The following PIK3R3 variants were observed in gnomAD, a reference collection of about 807,000 sequenced individuals.
The protein encoded by PIK3R3 is phosphoinositide-3-kinase regulatory subunit 3.
PIK3R3 carries 64 observed loss-of-function variants against 62.9 expected under a neutral mutation model. The observed-to-expected ratio is 1.02, with a 90% confidence interval of 0.83 to 1.25. PIK3R3 has a LOEUF of 1.25. Among genes scored for constraint, PIK3R3 ranks in the 50% most tolerant of loss-of-function variants. The probability of loss-of-function intolerance (pLI) is 0.00; values close to 1 mark genes in which losing one functional copy is unlikely to be tolerated. For missense variants in PIK3R3, 614 were observed against 561.6 expected (o/e 1.09, Z -0.94); for synonymous variants, 165 against 189.0 (o/e 0.87, Z 1.04).
the PIK3R3 span, among the ~76,000 whole-genome samples, chr1:46,158,977 C>T: frequency 2.6e-5 from 4 of 152,026 alleles, no homozygotes; most frequent in African/African-American, 4.8e-5. Context: ...ATCCCAGCTA[C>T]TCAGGAGGCT....
At chr1:46,150,286 G>C in the PIK3R3 span, among the ~76,000 whole-genome samples, 4 of 152,208 alleles carry the variant, frequency 2.6e-5, no homozygotes, top group East Asian at 3.8e-4. Flanking sequence ...AAGCTATCCT[G>C]TATGTGGAAC....
At chr1:46,102,401 G>C (rs1052009651) in intron 1 of PIK3R3, among the ~76,000 whole-genome samples, 2 of 152,050 alleles carry the variant, frequency 1.3e-5, no homozygotes, top group East Asian at 3.9e-4. Context: ...ACTGTATAGT[G>C]GTCTTGGATC....
At chr1:46,132,842 C>T, upstream of PIK3R3, 1 of 1,210,248 alleles carries the variant, frequency 8.3e-7, no homozygotes. Flanking sequence ...TCTCGACTTT[C>T]ACGTCTCCCC....
chr1:46,056,053 T>A (rs1364949090), intron 6 of PIK3R3, 82 bp from the exon 7 acceptor site: 4 of 229,888 alleles, frequency 1.7e-5, no homozygotes, highest in Non-Finnish European at 3.0e-5. Context: ...CCTAATATCC[T>A]TTTTTTTTTT....
Position 46,132,603 on chromosome 1 carries a change from C to A in PIK3R3, c.-651G>T. The A allele has an allele frequency of 7.8e-7, 1 of 1,289,224 alleles. No individual in the cohort carries two copies. Among genetic ancestry groups the A allele is most frequent in the South Asian group, 1.2e-5 (1 of 81,000 alleles). 79.9% of individuals were successfully genotyped at this position (1,289,224 alleles called of 1,614,324 possible). ...GCCGGGGTGTAAGAACCAACCCGAC[C>A]GCACCAACTGCCCTCAAGCTCTGCC... is the stretch of plus-strand genomic sequence containing the variant. On this transcript the variant is annotated 5_prime_UTR_variant, in exon 1 of 10. Transcript: ENST00000262741.
intron 1 of PIK3R3, among the ~76,000 whole-genome samples, chr1:46,103,601 T>C (rs1182939440): frequency 6.6e-6 from 1 of 152,106 alleles, no homozygotes; most frequent in Admixed American, 6.5e-5. Context: ...TATTTATTTA[T>C]TTACTTATTT....
At chr1:46,152,434 C>T in the PIK3R3 span, among the ~76,000 whole-genome samples, 43 of 152,262 alleles carry the variant, frequency 2.8e-4, 1 homozygote, top group East Asian at 7.7e-3. Flanking sequence ...CTTCACCTCT[C>T]CCCCAATAAC....
chr1:46,114,091 T>C (rs753313074), intron 1 of PIK3R3, among the ~76,000 whole-genome samples: 24 of 152,178 alleles, frequency 1.6e-4, no homozygotes, highest in Non-Finnish European at 3.4e-4. Flanking sequence ...CAGCAACGTA[T>C]AGTAACGTAC....
At chr1:46,164,897 T>C in the PIK3R3 span, among the ~76,000 whole-genome samples, 5 of 152,118 alleles carry the variant, frequency 3.3e-5, no homozygotes, top group African/African-American at 9.7e-5. Flanking sequence ...TGCAGTGGCA[T>C]GATCATATCT....
At chr1:46,168,379 T>C in the PIK3R3 span, among the ~76,000 whole-genome samples, 8 of 152,314 alleles carry the variant, frequency 5.3e-5, no homozygotes, top group Admixed American at 2.0e-4. Flanking sequence ...TTCTGTGTCC[T>C]TGGTGCCAAG....
rs1331276065 is a variant in PIK3R3, at chr1:46,071,696, C to CAAAAAAAAA, written c.315-4614_315-4606dup. 5.7e-3 allele frequency among the ~76,000 whole-genome samples: 99 copies of CAAAAAAAAA among 17,224 alleles called. 8 individuals carry two copies. Among genetic ancestry groups the CAAAAAAAAA allele is most frequent in the East Asian group, 0.013 (9 of 698 alleles). 11.3% of individuals were successfully genotyped at this position (17,224 alleles called of 152,430 possible). A position where few individuals can be genotyped will look rare whatever the true frequency, so the allele number is the denominator to read the frequency against. On this transcript the variant is annotated intron_variant, in intron 3 of 9. Coordinates refer to ENST00000262741, the MANE Select transcript of PIK3R3 (RefSeq NM_003629.4). The stretch of plus-strand genomic sequence containing the variant: ...GAGCAACAGAGCAAGACTCTGTCTC[C>CAAAAAAAAA]AAAAAAAAAAAAAAAAATATATATA...
At chr1:46,130,040 A>G (rs1374923086) in intron 1 of PIK3R3, among the ~76,000 whole-genome samples, 1 of 152,172 alleles carries the variant, frequency 6.6e-6, no homozygotes, top group Non-Finnish European at 1.5e-5. Flanking sequence ...ACTTTTCTTA[A>G]AATTATTTTT....
intron 3 of PIK3R3, among the ~76,000 whole-genome samples, 186 bp from the exon 4 acceptor site, chr1:46,067,277 T>TATATAA (rs368368491): frequency 3.9e-4 from 58 of 147,338 alleles, no homozygotes; most frequent in Middle Eastern, 3.6e-3. Context: ...TATATATATA[T>TATATAA]AATTCATTTT....
At chr1:46,093,507 T>C (rs773038176) in intron 1 of PIK3R3, among the ~76,000 whole-genome samples, 53 of 152,266 alleles carry the variant, frequency 3.5e-4, no homozygotes, top group Non-Finnish European at 6.5e-4. Context: ...GATATGAAAA[T>C]GCTCAGTTTA....
Position 46,077,423 on chromosome 1 carries a change from T to G in PIK3R3, c.314+92A>C, listed in dbSNP as rs538825953. ...AATTAAATGAAAATATGAAAAATTG[T>G]ATAGATAAAGATTTAAATACAGAAA... On this transcript the variant is annotated intron_variant, in intron 3 of 9. Transcript: ENST00000262741. 8 of 548,564 alleles carry G rather than the reference T, an allele frequency of 1.5e-5. No individual in the cohort carries two copies. The South Asian group carries it at 2.9e-4, about 20-fold the overall frequency. 34.0% of individuals were successfully genotyped at this position (548,564 alleles called of 1,614,324 possible).
chr1:46,081,218 AC>A (rs1311374293), intron 1 of PIK3R3, among the ~76,000 whole-genome samples: 1 of 152,142 alleles, frequency 6.6e-6, no homozygotes. Flanking sequence ...AATAGAATGA[AC>A]CCCCTTGTCT....
chr1:46,066,970 C>T lies in PIK3R3; in HGVS notation c.436G>A (p.Ala146Thr). The T allele has an allele frequency of 6.2e-7, 1 of 1,613,030 alleles. No individual in the cohort carries two copies. The highest frequency in any genetic ancestry group is 1.3e-5 in the African/African-American group (1 of 74,856). The change falls in exon 4 of 10, where the codon GCT (alanine) becomes ACT (threonine). Residue 146 changes from alanine (A) to threonine (T), a missense_variant. Physicochemically the swap from Ala to Thr is moderately conservative, Grantham distance 58. Transcript: ENST00000262741. ...ACATCAAGTTTGGGATTGTACTGAGCAAGAGATTCATGGTGATAGTGGTTA... is the reference window on the plus strand; with the variant it reads ...ACATCAAGTTTGGGATTGTACTGAGTAAGAGATTCATGGTGATAGTGGTTA... The part of the protein sequence containing the change: ...LINHYHHESL[A>T]QYNPKLDVKL...
At chr1:46,165,067 G>A in the PIK3R3 span, among the ~76,000 whole-genome samples, 15 of 151,964 alleles carry the variant, frequency 9.9e-5, no homozygotes, top group East Asian at 7.7e-4. Context: ...CAATCTTCCC[G>A]TCTCAGTCTC....
At chr1:46,133,643 A>AC (rs768479749), upstream of PIK3R3, among the ~76,000 whole-genome samples, 11 of 151,720 alleles carry the variant, frequency 7.3e-5, no homozygotes, top group African/African-American at 1.2e-4. Context: ...CTGCTACCTG[A>AC]CCCCACTCCC....
Sources: allele counts gnomAD v4.1 joint callset (sites outside exome capture counted in the v4.1 genomes callset), GRCh38; gene constraint gnomAD v4.1.1; transcripts MANE v1.5; gene names NCBI Gene and HGNC (gene_info 2026-07-23, HGNC 2026-07-21).